Variants in KSR2 observed in about 807,000 individuals in gnomAD.
The protein encoded by KSR2 is kinase suppressor of ras 2.
Under a neutral mutation model 107.8 loss-of-function variants are expected in KSR2, and 25 were observed. The ratio of observed to expected loss-of-function variants is 0.23; its 90% confidence interval spans 0.17 to 0.32. The LOEUF is 0.32. Among genes scored for constraint, KSR2 ranks in the 10% least tolerant of loss-of-function variants. KSR2 has a pLI of 1.00. For missense variants in KSR2, 887 were observed against 1,268.9 expected, an observed-to-expected ratio of 0.70 and a Z score of 4.57; for synonymous variants, 480 against 507.0, an observed-to-expected ratio of 0.95 and a Z score of 0.71.
At position 117,968,697 on chromosome 12, in the gene KSR2, C is replaced by T. The variant is rs1362901431; in HGVS notation, c.-442G>A. 5.8e-6 allele frequency: 1 copy of T among 172,230 alleles called. No individual in the cohort carries two copies. The highest frequency in any genetic ancestry group is 1.2e-5 in the Non-Finnish European group (1 of 81,874). The allele number at this position is 172,230 out of a possible 1,614,324, so 10.7% of individuals were successfully genotyped here. On this transcript the variant is annotated 5_prime_UTR_variant, in exon 1 of 20. Transcript: ENST00000339824. ...ATAGCGCTCACTCTTTACACACCGG[C>T]TCCTTGAAGGACAAAATTATATATT... is the stretch of plus-strand genomic sequence containing the variant.
rs1305637388 is a variant in KSR2 at position 117,587,834 on chromosome 12, G to T, written c.1172-5475C>A. ...TGCGTTAGAATGGAAGCAGCAGGACGCTGTGCTGGGCAGTATGCATTTAAG... is the reference window on the plus strand; with the variant it reads ...TGCGTTAGAATGGAAGCAGCAGGACTCTGTGCTGGGCAGTATGCATTTAAG... On this transcript the variant is annotated intron_variant, in intron 5 of 19. Transcript: ENST00000339824. Among the ~76,000 whole-genome samples the T allele has an allele frequency of 4.6e-5, 7 of 152,300 alleles. No individual in the cohort carries two copies. In the East Asian group the frequency reaches 1.4e-3, roughly 29 times the overall value.
intron 4 of KSR2, among the ~76,000 whole-genome samples, chr12:117,701,445 TC>T (rs1368306429): frequency 1.3e-5 from 2 of 152,164 alleles, no homozygotes; most frequent in East Asian, 3.9e-4. Context: ...TTGCTGAAAA[TC>T]CTTCAGCATC....
At chr12:117,631,963 G>C (rs1209929321) in intron 5 of KSR2, among the ~76,000 whole-genome samples, 1 of 152,120 alleles carries the variant, frequency 6.6e-6, no homozygotes, top group Non-Finnish European at 1.5e-5. Context: ...TCAGGATGGA[G>C]TAATACAGTA....
chr12:117,749,978 T>A (rs1303503725), intron 4 of KSR2, among the ~76,000 whole-genome samples: 1 of 152,130 alleles, frequency 6.6e-6, no homozygotes, highest in Non-Finnish European at 1.5e-5. Context: ...CTGGGCGCAA[T>A]GGCTGACGCC....
chr12:117,484,238 C>G (rs1413368758), intron 16 of KSR2, among the ~76,000 whole-genome samples, 178 bp downstream of exon 16: 1 of 152,182 alleles, frequency 6.6e-6, no homozygotes, highest in Non-Finnish European at 1.5e-5. Context: ...TGCTGGCCCC[C>G]CCAGGGGGAA....
At chr12:117,550,929 T>C (rs897894040) in intron 9 of KSR2, among the ~76,000 whole-genome samples, 5 of 152,218 alleles carry the variant, frequency 3.3e-5, no homozygotes, top group Non-Finnish European at 5.9e-5. Flanking sequence ...ATGATTTCCC[T>C]TTCTCTGAAT....
intron 5 of KSR2, among the ~76,000 whole-genome samples, chr12:117,592,120 A>C (rs903502790): frequency 6.7e-6 from 1 of 149,604 alleles, no homozygotes; most frequent in South Asian, 2.1e-4. Flanking sequence ...TTTCCCCCCA[A>C]CTTTTTTTTT....
At chr12:117,954,746 T>G (rs897516083) in intron 1 of KSR2, among the ~76,000 whole-genome samples, 4 of 152,208 alleles carry the variant, frequency 2.6e-5, no homozygotes, top group Non-Finnish European at 4.4e-5. Flanking sequence ...CCGGGCACAG[T>G]GGCTCACACC....
chr12:117,926,789 G>C (rs993078859), intron 1 of KSR2, among the ~76,000 whole-genome samples: 1 of 152,224 alleles, frequency 6.6e-6, no homozygotes, highest in African/African-American at 2.4e-5. Context: ...CCTTTCAGCA[G>C]GTATCCTGGG....
At chr12:117,862,436 C>T (rs1294386488) in intron 1 of KSR2, among the ~76,000 whole-genome samples, 1 of 152,054 alleles carries the variant, frequency 6.6e-6, no homozygotes, top group African/African-American at 2.4e-5. Context: ...GTGGCCAAGG[C>T]GGGAGGACTG....
intron 10 of KSR2, among the ~76,000 whole-genome samples, chr12:117,538,725 T>C (rs914161827): frequency 1.3e-5 from 2 of 152,242 alleles, no homozygotes; most frequent in Non-Finnish European, 2.9e-5. Flanking sequence ...TAAGCTAATT[T>C]TTAAATTATA....
intron 5 of KSR2, among the ~76,000 whole-genome samples, chr12:117,631,174 A>C (rs1242141877): frequency 2.0e-5 from 3 of 152,224 alleles, no homozygotes; most frequent in Middle Eastern, 3.4e-3. Context: ...AGTGGCCTGT[A>C]CCTGTAATCC....
At position 117,476,475 on chromosome 12, in the gene KSR2, G is replaced by T; in HGVS notation, c.2571C>A (p.Val857=). The T allele has an allele frequency of 6.2e-7, 1 of 1,601,382 alleles. No individual in the cohort carries two copies. The highest frequency in any genetic ancestry group is 1.7e-5 in the Admixed American group (1 of 58,380). ...DKLPFSKHSD[V]FALGTIWYEL... ...CAGGGCCCACTTACCCAAGGGCAAA[G>T]ACGTCAGAGTGCTTGGAGAAGGGGA... Residue 857 remains valine (V), a synonymous_variant, in exon 17 of 20, where the codon GTC becomes GTA. Coordinates refer to ENST00000339824, the MANE Select transcript of KSR2 (RefSeq NM_173598.6).
intron 4 of KSR2, among the ~76,000 whole-genome samples, chr12:117,712,879 G>A (rs767111944): frequency 6.6e-5 from 10 of 151,942 alleles, no homozygotes; most frequent in South Asian, 6.2e-4. Context: ...ATGATAGATC[G>A]CTATAGATAT....
intron 1 of KSR2, among the ~76,000 whole-genome samples, chr12:117,881,717 C>G (rs560884758): frequency 8.3e-4 from 127 of 152,350 alleles, no homozygotes; most frequent in Non-Finnish European, 1.5e-3. Flanking sequence ...AACAGCAGAG[C>G]TGACCCCAGC....
In KSR2 at chr12:117,624,225, C is replaced by T. The variant is rs928994926; in HGVS notation, c.1172-41866G>A. 8.5e-4 allele frequency among the ~76,000 whole-genome samples: 129 copies of T among 152,078 alleles called. 1 individual carries two copies. Among genetic ancestry groups the T allele is most frequent in the African/African-American group, 3.0e-3 (125 of 41,512 alleles). On this transcript the variant is annotated intron_variant, in intron 5 of 19. Coordinates refer to ENST00000339824, the MANE Select transcript of KSR2 (RefSeq NM_173598.6). ...CTTTTGCTGTGCAGAAGCTCTTTAG[C>T]TTAATTAGATCCCATTTGTCTATTT...
intron 4 of KSR2, among the ~76,000 whole-genome samples, chr12:117,694,598 C>T (rs963390876): frequency 5.3e-5 from 8 of 152,116 alleles, no homozygotes; most frequent in Middle Eastern, 3.2e-3. Flanking sequence ...GAACTCAAAC[C>T]GATACTGGTT....
intron 5 of KSR2, among the ~76,000 whole-genome samples, chr12:117,613,317 A>G (rs1881705249): frequency 6.6e-6 from 1 of 152,200 alleles, no homozygotes; most frequent in Non-Finnish European, 1.5e-5. Flanking sequence ...ATAGTAGTGT[A>G]TCAGACTCAG....
chr12:117,943,309 T>A (rs1896066800), intron 1 of KSR2, among the ~76,000 whole-genome samples: 1 of 152,084 alleles, frequency 6.6e-6, no homozygotes, highest in African/African-American at 2.4e-5. Context: ...CTGGTATATA[T>A]AACCTGAATA....
Sources: gnomAD v4.1 joint callset for allele counts (sites outside exome capture counted in the v4.1 genomes callset) on GRCh38, gnomAD v4.1.1 for gene constraint, MANE v1.5 for transcripts, NCBI Gene and HGNC (gene_info 2026-07-23, HGNC 2026-07-21) for gene names.